MAP3K3: variants seen among roughly 807,000 people sequenced by gnomAD.
MAP3K3 encodes the protein MAP/ERK kinase kinase 3.
In MAP3K3, 12 loss-of-function variants were observed where a neutral mutation model predicts 80.9. The observed-to-expected ratio is 0.15, with a 90% confidence interval of 0.10 to 0.24. The LOEUF (loss-of-function observed/expected upper bound fraction) is 0.24, where lower values mean the gene tolerates loss of function less well. Ranked by LOEUF, MAP3K3 falls within the 10% of genes least tolerant of loss-of-function variation. MAP3K3 has a pLI of 1.00. For missense variants in MAP3K3, 596 were observed against 834.7 expected (o/e 0.71, Z 3.52); for synonymous variants, 272 against 307.1 (o/e 0.89, Z 1.19).
In MAP3K3 at chr17:63,647,651, A is replaced by G. The variant is rs142007087; in HGVS notation, c.167+1577A>G. Among the ~76,000 whole-genome samples the G allele has an allele frequency of 8.4e-3, 1,277 of 152,240 alleles. 21 individuals carry two copies. The highest frequency in any genetic ancestry group is 0.029 in the African/African-American group (1,202 of 41,514). On this transcript the variant is annotated intron_variant, in intron 3 of 15. Transcript: ENST00000361733. ...TTTGAAAATGGTGCATTCTCTTTTT[A>G]CGGAGCTGTTTTCAGGAGCCATGGC... is the stretch of plus-strand genomic sequence containing the variant.
At position 63,652,603 on chromosome 17, in the gene MAP3K3, A is replaced by G; in HGVS notation, c.214A>G (p.Lys72Glu). Residue 72 changes from lysine to glutamate, a missense_variant, in exon 4 of 16, where the codon AAG becomes GAG. Lys to Glu is a moderately conservative substitution (Grantham distance 56). Coordinates refer to ENST00000361733, the MANE Select transcript of MAP3K3 (RefSeq NM_002401.5). ...RPVKYEDVEH[K>E]VTTVFGQPLD... ...TGTGAAATATGAAGATGTGGAGCAC[A>G]AGGTGACAACAGTATTTGGACAACC... is the stretch of plus-strand genomic sequence containing the variant. The G allele has an allele frequency of 6.2e-7, 1 of 1,614,122 alleles. No individual in the cohort carries two copies. The highest frequency in any genetic ancestry group is 8.5e-7 in the Non-Finnish European group (1 of 1,179,958).
Position 63,693,818 on chromosome 17 carries a change from T to G in MAP3K3, c.*41T>G. 1 of 1,521,162 alleles carries G rather than the reference T, an allele frequency of 6.6e-7. No individual in the cohort carries two copies. Among genetic ancestry groups the G allele is most frequent in the Non-Finnish European group, 9.0e-7 (1 of 1,109,610 alleles). 94.2% of individuals were successfully genotyped at this position (1,521,162 alleles called of 1,614,324 possible). ...CAGCTGCCGGTCGCCCTTTGCTGCA[T>G]GGCAGGGGGCTGCTGCTGGGCTCAG... On this transcript the variant is annotated 3_prime_UTR_variant, in exon 16 of 16. Transcript: ENST00000361733. This position sits in a 1 kb window ranked among gnomAD's most constrained non-coding sequence, Gnocchi z 4.2.
chr17:63,690,541 T>A, intron 12 of MAP3K3, 129 bp downstream of exon 12: 1 of 976,392 alleles, frequency 1.0e-6, no homozygotes, highest in Non-Finnish European at 1.5e-6. Context: ...TCCCTTTCTG[T>A]CCATCCTGGT....
At chr17:63,661,763 TAAAAC>T (rs950077955) in intron 5 of MAP3K3, among the ~76,000 whole-genome samples, 1 of 152,170 alleles carries the variant, frequency 6.6e-6, no homozygotes, top group African/African-American at 2.4e-5. Context: ...TGCAGGAAGA[TAAAAC>T]AAACCTGATT....
chr17:63,624,745 C>T (rs1286767254), intron 1 of MAP3K3, among the ~76,000 whole-genome samples: 1 of 152,222 alleles, frequency 6.6e-6, no homozygotes, highest in Non-Finnish European at 1.5e-5. Context: ...AGAACCACTG[C>T]CCTAGCTTTC....
intron 5 of MAP3K3, among the ~76,000 whole-genome samples, chr17:63,666,465 A>G (rs1293051502): frequency 1.3e-5 from 2 of 152,230 alleles, no homozygotes; most frequent in African/African-American, 4.8e-5. Flanking sequence ...AAGACTCTGT[A>G]TCAATCAATC....
chr17:63,662,396 C>G (rs2034912559), intron 5 of MAP3K3, among the ~76,000 whole-genome samples: 1 of 151,980 alleles, frequency 6.6e-6, no homozygotes. Context: ...GCCTGGGTGA[C>G]AGAGTAAGAC....
chr17:63,667,835 C>T (rs772210962), intron 6 of MAP3K3, among the ~76,000 whole-genome samples: 2 of 152,082 alleles, frequency 1.3e-5, no homozygotes, highest in Non-Finnish European at 2.9e-5. Flanking sequence ...TCCACAGATG[C>T]AGAACCTGGA....
intron 3 of MAP3K3, among the ~76,000 whole-genome samples, chr17:63,648,548 G>T (rs986274343): frequency 6.6e-6 from 1 of 152,166 alleles, no homozygotes; most frequent in Non-Finnish European, 1.5e-5. Context: ...AGTCTGGGCC[G>T]GGTGTGGTGG....
chr17:63,656,856 T>A (rs1232122994), intron 4 of MAP3K3, among the ~76,000 whole-genome samples: 3 of 152,100 alleles, frequency 2.0e-5, no homozygotes, highest in African/African-American at 7.2e-5. Flanking sequence ...GAAAGAGGTT[T>A]AATTGACTCA....
intron 1 of MAP3K3, among the ~76,000 whole-genome samples, chr17:63,628,329 A>G (rs948678445): frequency 6.6e-6 from 1 of 150,734 alleles, no homozygotes; most frequent in East Asian, 1.9e-4. Flanking sequence ...ATTTGTATTT[A>G]TATACTCTGG....
chr17:63,641,185 C>T (rs1408368249), intron 2 of MAP3K3, among the ~76,000 whole-genome samples: 1 of 151,992 alleles, frequency 6.6e-6, no homozygotes, highest in African/African-American at 2.4e-5. Flanking sequence ...CTATCATTCT[C>T]ACTTTACAGA....
chr17:63,686,169 G>T (rs2035445302), intron 8 of MAP3K3, among the ~76,000 whole-genome samples: 1 of 152,170 alleles, frequency 6.6e-6, no homozygotes, highest in Admixed American at 6.5e-5. Flanking sequence ...CCTCGCCTCT[G>T]CCTCATTATG....
At chr17:63,654,367 C>T (rs570864190) in intron 4 of MAP3K3, among the ~76,000 whole-genome samples, 11 of 151,424 alleles carry the variant, frequency 7.3e-5, no homozygotes, top group South Asian at 2.1e-4. Flanking sequence ...ATGTTTTCAA[C>T]GGTCATCTGT....
intron 7 of MAP3K3, chr17:63,682,813 C>T (rs2035368127): frequency 1.3e-5 from 2 of 152,244 alleles, no homozygotes; most frequent in Non-Finnish European, 2.9e-5. Flanking sequence ...ATATTCTATC[C>T]TCTTTGCCAT....
intron 1 of MAP3K3, among the ~76,000 whole-genome samples, chr17:63,624,094 C>A (rs1423744627): frequency 6.6e-6 from 1 of 152,130 alleles, no homozygotes; most frequent in African/African-American, 2.4e-5. Flanking sequence ...GAAGTGCGTG[C>A]TCTTCTGAGG....
intron 6 of MAP3K3, among the ~76,000 whole-genome samples, chr17:63,681,553 T>A (rs540308795): frequency 5.9e-5 from 9 of 152,344 alleles, no homozygotes; most frequent in African/African-American, 2.2e-4. Flanking sequence ...TTTGGTCGGA[T>A]ATGCCGTAGT....
At chr17:63,674,896 T>C (rs965595575) in intron 6 of MAP3K3, among the ~76,000 whole-genome samples, 2 of 151,878 alleles carry the variant, frequency 1.3e-5, no homozygotes, top group African/African-American at 2.4e-5. Context: ...AGGATGAGGG[T>C]AGATTATAGC....
intron 6 of MAP3K3, among the ~76,000 whole-genome samples, chr17:63,669,070 C>G (rs1240965423): frequency 1.3e-5 from 2 of 152,162 alleles, no homozygotes; most frequent in Non-Finnish European, 2.9e-5. Flanking sequence ...AGGGGCTTTG[C>G]ACTGTGTGTA....
Sources: gnomAD v4.1 joint callset for allele counts (sites outside exome capture counted in the v4.1 genomes callset) on GRCh38, gnomAD v4.1.1 for gene constraint, Gnocchi (gnomAD v3.1) non-coding constraint, MANE v1.5 for transcripts, NCBI Gene and HGNC (gene_info 2026-07-23, HGNC 2026-07-21) for gene names.